Variants in SUFU observed in about 807,000 individuals in gnomAD.
The protein encoded by SUFU is SUFU negative regulator of hedgehog signaling, also known as suppressor of fused homolog.
SUFU carries 7 observed loss-of-function variants against 58.9 expected under a neutral mutation model. That is an observed-to-expected ratio of 0.12 (90% CI 0.07 to 0.22). The LOEUF (loss-of-function observed/expected upper bound fraction) is 0.22, where lower values mean the gene tolerates loss of function less well. Among genes scored for constraint, SUFU ranks in the 10% least tolerant of loss-of-function variants. SUFU has a pLI of 1.00. For synonymous variants in SUFU, 232 were observed against 254.8 expected, an observed-to-expected ratio of 0.91 and a Z score of 0.85; for missense variants, 451 against 641.3, an observed-to-expected ratio of 0.70 and a Z score of 3.20.
intron 3 of SUFU, among the ~76,000 whole-genome samples, chr10:102,589,962 G>GT (rs961779456): frequency 2.6e-3 from 372 of 145,020 alleles, no homozygotes; most frequent in African/African-American, 6.3e-3. Flanking sequence ...CCAAATCTGA[G>GT]TTTTTTTTTT....
chr10:102,505,926 G>A (rs1234647476), intron 1 of SUFU, among the ~76,000 whole-genome samples: 1 of 151,848 alleles, frequency 6.6e-6, no homozygotes, highest in Non-Finnish European at 1.5e-5. Flanking sequence ...CCTGGGCTGG[G>A]CACAGTGGCT....
rs61871158 is a variant in SUFU, at chr10:102,623,461, C to G, written c.1297-3714C>G. Among the ~76,000 whole-genome samples the G allele has an allele frequency of 4.8e-3, 737 of 152,326 alleles. 5 individuals are homozygous for G. The highest frequency in any genetic ancestry group is 7.8e-3 in the Non-Finnish European group (528 of 68,024). On this transcript the variant is annotated intron_variant, in intron 10 of 11. Transcript: ENST00000369902. Reference sequence around the variant, plus strand: ...GAGCAGGTGGCCAGGAAATGTGTGGCTGGTGGAGGTTGGGACTGCTGATTT... The same window carrying G: ...GAGCAGGTGGCCAGGAAATGTGTGGGTGGTGGAGGTTGGGACTGCTGATTT...
intron 3 of SUFU, among the ~76,000 whole-genome samples, chr10:102,578,601 G>T (rs1158944770): frequency 6.6e-6 from 1 of 151,880 alleles, no homozygotes; most frequent in African/African-American, 2.4e-5. Flanking sequence ...CCAGGTACTC[G>T]GTAGGCTGAG....
intron 3 of SUFU, among the ~76,000 whole-genome samples, chr10:102,582,529 G>T (rs1417938706): frequency 3.3e-5 from 5 of 152,162 alleles, no homozygotes; most frequent in African/African-American, 1.2e-4. Context: ...AATTGGAGGA[G>T]CCAGTAGGAT....
At chr10:102,553,369 G>T (rs1368847824) in intron 3 of SUFU, among the ~76,000 whole-genome samples, 1 of 152,120 alleles carries the variant, frequency 6.6e-6, no homozygotes, top group Admixed American at 6.6e-5. Context: ...GTGAGGTTAG[G>T]GACTGTGATA....
chr10:102,559,700 T>C (rs879060471), intron 3 of SUFU, among the ~76,000 whole-genome samples: 2 of 152,318 alleles, frequency 1.3e-5, no homozygotes, highest in Admixed American at 1.3e-4. Flanking sequence ...CCCCCCATCC[T>C]CTGGGTTTCA....
chr10:102,571,341 C>A (rs934937731), intron 3 of SUFU, among the ~76,000 whole-genome samples: 2 of 152,060 alleles, frequency 1.3e-5, no homozygotes, highest in Non-Finnish European at 2.9e-5. Flanking sequence ...GGGGATGAGG[C>A]CAACCAAAAT....
intron 3 of SUFU, among the ~76,000 whole-genome samples, chr10:102,551,530 C>A (rs536871942): frequency 5.9e-5 from 9 of 151,334 alleles, no homozygotes; most frequent in African/African-American, 2.2e-4. Flanking sequence ...CCCAGCTACT[C>A]GGGAGGCTGA....
rs781141796 is a variant in SUFU, at chr10:102,619,098, G to A, written c.1296+1670G>A. 37 of 1,612,562 alleles carry A rather than the reference G, an allele frequency of 2.3e-5. No homozygotes were observed. The highest frequency in any genetic ancestry group is 3.3e-4 in the Middle Eastern group (2 of 6,084). ...CCTATCCTCGGAGCTCTGCCCTCCC[G>A]TCCTGGAACGTCTTTCTGCCCTGAG... On this transcript the variant is annotated intron_variant, in intron 10 of 11. Coordinates refer to ENST00000369902, the MANE Select transcript of SUFU (RefSeq NM_016169.4). The surrounding 1 kb of genome is among the most constrained non-coding windows in gnomAD (Gnocchi z 4.2).
chr10:102,551,249 C>G (rs2062911769), intron 3 of SUFU, among the ~76,000 whole-genome samples: 1 of 152,174 alleles, frequency 6.6e-6, no homozygotes, highest in African/African-American at 2.4e-5. Context: ...AGCAGGAGTT[C>G]CTAAATCTGG....
chr10:102,545,897 C>A lies in SUFU; in HGVS notation c.318-4073C>A, dbSNP rs566476684. Among the ~76,000 whole-genome samples the A allele has an allele frequency of 7.9e-5, 12 of 152,222 alleles. No individual in the cohort carries two copies. In the South Asian group the frequency reaches 2.3e-3, roughly 29 times the overall value. ...GCTGAGGCAGGAGAATCACTTGAGC[C>A]CAGGAGGCAGAGGCTGCAGTGAGCT... On this transcript the variant is annotated intron_variant, in intron 2 of 11. Transcript: ENST00000369902.
intron 3 of SUFU, among the ~76,000 whole-genome samples, chr10:102,554,391 A>G (rs1275368632): frequency 6.6e-6 from 1 of 152,188 alleles, no homozygotes; most frequent in East Asian, 1.9e-4. Context: ...CAACAAGAGC[A>G]AAACTCTGTC....
chr10:102,616,958 A>G (rs945609694), intron 9 of SUFU, among the ~76,000 whole-genome samples: 14 of 152,190 alleles, frequency 9.2e-5, no homozygotes, highest in Admixed American at 1.3e-4. Flanking sequence ...GACCTTCAGC[A>G]CATTGCTACC....
In SUFU at chr10:102,597,480, C is replaced by T. The variant is rs563406744; in HGVS notation, c.910+187C>T. The stretch of plus-strand genomic sequence containing the variant: ...ATTAAGGGAGCTTTATTGGCCCATT[C>T]CTAGTTGTGTTTCCTGTGTGTATTT... On this transcript the variant is annotated intron_variant, in intron 7 of 11. Transcript: ENST00000369902. Among the ~76,000 whole-genome samples the T allele has an allele frequency of 3.9e-5, 6 of 152,340 alleles. No individual in the cohort carries two copies. In the East Asian group the frequency reaches 1.2e-3, roughly 29 times the overall value.
At chr10:102,577,085 CT>C (rs1340064563) in intron 3 of SUFU, among the ~76,000 whole-genome samples, 3 of 137,242 alleles carry the variant, frequency 2.2e-5, no homozygotes, top group African/African-American at 5.5e-5. Flanking sequence ...TTTTTCTTTT[CT>C]TTTTTTTTTT....
intron 1 of SUFU, among the ~76,000 whole-genome samples, chr10:102,507,051 G>C (rs551884566): frequency 6.6e-6 from 1 of 152,334 alleles, no homozygotes; most frequent in South Asian, 2.1e-4. Flanking sequence ...AACATCATTT[G>C]CTAAGTGTAA....
At chr10:102,607,886 G>A (rs2063578510) in intron 8 of SUFU, among the ~76,000 whole-genome samples, 1 of 151,730 alleles carries the variant, frequency 6.6e-6, no homozygotes, top group Non-Finnish European at 1.5e-5. Flanking sequence ...ACTCCAGCCT[G>A]GGCGACAGAG....
At chr10:102,573,178 T>A in intron 3 of SUFU, 1 of 765,270 alleles carries the variant, frequency 1.3e-6, no homozygotes, top group South Asian at 1.3e-5. Flanking sequence ...TTGCTTTGGC[T>A]TCGGCTTTAG....
intron 7 of SUFU, 122 bp downstream of exon 7, chr10:102,597,415 C>A: frequency 7.6e-7 from 1 of 1,313,940 alleles, no homozygotes; most frequent in Non-Finnish European, 1.0e-6. Context: ...TATTTCCTGG[C>A]ATGATTTAAA....
Sources: allele counts gnomAD v4.1 joint callset (sites outside exome capture counted in the v4.1 genomes callset), GRCh38; gene constraint gnomAD v4.1.1; non-coding constraint Gnocchi (gnomAD v3.1); transcripts MANE v1.5; gene names NCBI Gene and HGNC (gene_info 2026-07-23, HGNC 2026-07-21).